The following KIAA0825 variants were observed in gnomAD, a reference collection of about 807,000 sequenced individuals.
KIAA0825 encodes the protein uncharacterized protein KIAA0825.
In KIAA0825, 119 loss-of-function variants were observed where a neutral mutation model predicts 147.6. That is an observed-to-expected ratio of 0.81 (90% CI 0.69 to 0.94). The LOEUF (loss-of-function observed/expected upper bound fraction) is 0.94. KIAA0825 is among the 40% of genes least tolerant of loss of function. KIAA0825 has a pLI of 0.00. For missense variants in KIAA0825, 1,381 were observed against 1,472.7 expected (o/e 0.94, Z 1.02); for synonymous variants, 470 against 518.1 (o/e 0.91, Z 1.26).
chr5:94,323,187 CTA>C (rs1209601575), intron 20 of KIAA0825, among the ~76,000 whole-genome samples: 4 of 151,834 alleles, frequency 2.6e-5, no homozygotes, highest in Admixed American at 2.6e-4. Flanking sequence ...AATGTATCCT[CTA>C]TGTATTTTTA....
At chr5:94,534,525 T>C (rs1041997130) in intron 3 of KIAA0825, among the ~76,000 whole-genome samples, 1 of 152,196 alleles carries the variant, frequency 6.6e-6, no homozygotes, top group African/African-American at 2.4e-5. Context: ...CGTTCTGCTC[T>C]AGGTTCGTTT....
Position 94,520,394 on chromosome 5 carries a change from A to G in KIAA0825, c.824T>C (p.Ile275Thr). 1.2e-6 allele frequency: 2 copies of G among 1,613,376 alleles called. No individual in the cohort carries two copies. The highest frequency in any genetic ancestry group is 1.7e-6 in the Non-Finnish European group (2 of 1,179,452). ...AACAGTATCCAGGTAAGTTTCTTTA[A>G]TGAATTTCACCATTGAAGATGGAGC... is the stretch of plus-strand genomic sequence containing the variant. ...ILAPSSMVKF[I>T]KETYLDTVTE... Residue 275 changes from isoleucine (I) to threonine (T), a missense_variant, in exon 5 of 21, where the codon ATT becomes ACT. Ile to Thr is a moderately conservative substitution (Grantham distance 89). Coordinates refer to ENST00000682413, the MANE Select transcript of KIAA0825 (RefSeq NM_001145678.3).
chr5:94,584,838 T>C (rs530169823), intron 1 of KIAA0825, among the ~76,000 whole-genome samples: 5 of 152,248 alleles, frequency 3.3e-5, no homozygotes, highest in Non-Finnish European at 7.4e-5. Context: ...TAACAGCAGA[T>C]CTCTCTGCAG....
intron 20 of KIAA0825, among the ~76,000 whole-genome samples, chr5:94,160,384 C>T (rs1767441038): frequency 6.7e-6 from 1 of 149,498 alleles, no homozygotes; most frequent in African/African-American, 2.5e-5. Flanking sequence ...CATATATGTA[C>T]ATATATGAAT....
intron 3 of KIAA0825, among the ~76,000 whole-genome samples, chr5:94,525,727 G>A (rs1312266710): frequency 6.6e-6 from 1 of 151,912 alleles, no homozygotes; most frequent in African/African-American, 2.4e-5. Flanking sequence ...GAAAGGCTCA[G>A]CAGTTAGTCT....
intron 1 of KIAA0825, among the ~76,000 whole-genome samples, chr5:94,589,720 G>A (rs1783997450): frequency 6.6e-6 from 1 of 151,750 alleles, no homozygotes; most frequent in Non-Finnish European, 1.5e-5. Context: ...ATTTTGGTAG[G>A]TTGATGTGTT....
intron 2 of KIAA0825, among the ~76,000 whole-genome samples, chr5:94,557,627 C>T (rs557436277): frequency 4.9e-4 from 74 of 152,172 alleles, no homozygotes; most frequent in African/African-American, 1.6e-3. Context: ...TTAGCTCACA[C>T]GTGACCAATC....
chr5:94,202,003 A>G (rs950233498), intron 20 of KIAA0825, among the ~76,000 whole-genome samples: 2 of 152,226 alleles, frequency 1.3e-5, no homozygotes, highest in Non-Finnish European at 2.9e-5. Flanking sequence ...TGATGGGTAG[A>G]GGATGAGAGT....
chr5:94,337,321 G>A (rs1423754334), intron 20 of KIAA0825, among the ~76,000 whole-genome samples: 1 of 152,128 alleles, frequency 6.6e-6, no homozygotes, highest in Non-Finnish European at 1.5e-5. Flanking sequence ...TGGAACTTGT[G>A]TGAATTTTGT....
At chr5:94,605,550 CA>C (rs1245021057) in intron 1 of KIAA0825, among the ~76,000 whole-genome samples, 1 of 152,096 alleles carries the variant, frequency 6.6e-6, no homozygotes, top group Non-Finnish European at 1.5e-5. Context: ...AGCAGCACAT[CA>C]AAAAGCTTAT....
chr5:94,372,740 G>C (rs1317013413), intron 20 of KIAA0825, among the ~76,000 whole-genome samples: 2 of 152,356 alleles, frequency 1.3e-5, no homozygotes, highest in East Asian at 3.9e-4. Flanking sequence ...CATTGTCTTG[G>C]TGATTAACAT....
chr5:94,517,762 A>G (rs1339617805), intron 5 of KIAA0825, among the ~76,000 whole-genome samples: 3 of 150,530 alleles, frequency 2.0e-5, no homozygotes, highest in Non-Finnish European at 4.5e-5. Flanking sequence ...AGTTTGGAGA[A>G]GAAGAAAACA....
chr5:94,548,138 G>A (rs966017419), intron 2 of KIAA0825, among the ~76,000 whole-genome samples: 1 of 152,182 alleles, frequency 6.6e-6, no homozygotes, highest in Admixed American at 6.5e-5. Context: ...CAATGTAATT[G>A]TGGTATGTAA....
chr5:94,195,432 A>G (rs974030479), intron 20 of KIAA0825, among the ~76,000 whole-genome samples: 2 of 152,224 alleles, frequency 1.3e-5, no homozygotes, highest in African/African-American at 4.8e-5. Flanking sequence ...AAACAAAGGA[A>G]GGTACCACAC....
At chr5:94,450,250 G>A (rs898122221) in intron 13 of KIAA0825, among the ~76,000 whole-genome samples, 16 of 149,728 alleles carry the variant, frequency 1.1e-4, no homozygotes, top group African/African-American at 3.7e-4. Flanking sequence ...TTTTCTATAT[G>A]TACTTTTTTT....
chr5:94,468,124 C>T (rs989329863), intron 10 of KIAA0825, among the ~76,000 whole-genome samples: 3 of 152,154 alleles, frequency 2.0e-5, no homozygotes, highest in African/African-American at 7.2e-5. Flanking sequence ...AAGCTAAAGC[C>T]TTGTCATAAG....
chr5:94,314,850 T>A (rs1430392647), intron 20 of KIAA0825, among the ~76,000 whole-genome samples: 1 of 151,646 alleles, frequency 6.6e-6, no homozygotes, highest in East Asian at 1.9e-4. Flanking sequence ...TCATCTCTCC[T>A]GAATGGGTGC....
Position 94,417,244 on chromosome 5 carries a change from G to A in KIAA0825, c.2619C>T (p.Tyr873=). 1 of 1,550,996 alleles carries A rather than the reference G, an allele frequency of 6.4e-7. No homozygotes were observed. The highest frequency in any genetic ancestry group is 8.7e-7 in the Non-Finnish European group (1 of 1,146,554). ...AGTCCCATAATTGCTCTTCTTCCAT[G>A]TAGCTCACAAAAACGTTTGCAAATG... The part of the protein sequence containing the change: ...PQTFANVFVS[Y]MEEEQLWDFL... The change falls in exon 15 of 21, where the codon TAC becomes TAT. Residue 873 remains tyrosine (Y), a synonymous_variant. Transcript: ENST00000682413.
chr5:94,356,592 C>A (rs1303416746), intron 20 of KIAA0825, among the ~76,000 whole-genome samples: 1 of 151,424 alleles, frequency 6.6e-6, no homozygotes, highest in Non-Finnish European at 1.5e-5. Context: ...GCCTGGGCAA[C>A]AGAGCCAGAC....
Sources: gnomAD v4.1 joint callset for allele counts (sites outside exome capture counted in the v4.1 genomes callset) on GRCh38, gnomAD v4.1.1 for gene constraint, MANE v1.5 for transcripts, NCBI Gene and HGNC (gene_info 2026-07-23, HGNC 2026-07-21) for gene names.